Variants in ZNF804A observed in about 807,000 individuals in gnomAD.
ZNF804A encodes the protein zinc finger protein 804A.
Under a neutral mutation model 16.5 loss-of-function variants are expected in ZNF804A, and 2 were observed. The observed-to-expected ratio is 0.12, with a 90% CI of 0.05 to 0.38. ZNF804A has a LOEUF of 0.38. ZNF804A is among the 10% of genes least tolerant of loss of function. ZNF804A has a pLI of 0.99. For synonymous variants in ZNF804A, 534 were observed against 489.6 expected, an observed-to-expected ratio of 1.09 and a Z score of -1.20; for missense variants, 1,473 against 1,390.7, an observed-to-expected ratio of 1.06 and a Z score of -0.94.
chr2:184,770,037 A>T (rs1347013282), intron 1 of ZNF804A, among the ~76,000 whole-genome samples: 1 of 152,092 alleles, frequency 6.6e-6, no homozygotes, highest in Non-Finnish European at 1.5e-5. Flanking sequence ...TAACTAGATA[A>T]ATAAGCTTAA....
rs772643597 is a variant in ZNF804A at position 184,938,323 on chromosome 2, C to T, written c.2927C>T (p.Ala976Val). 6.2e-7 allele frequency: 1 copy of T among 1,614,150 alleles called. No individual in the cohort carries two copies. Among genetic ancestry groups the T allele is most frequent in the South Asian group, 1.1e-5 (1 of 91,088 alleles). Residue 976 changes from alanine (A) to valine (V), a missense_variant, in exon 4 of 4, where the codon GCT becomes GTT. By Grantham distance (64) the Ala-to-Val change is moderately conservative. Transcript: ENST00000302277. Reference protein sequence around the residue: ...PKSYLCHYELAEALPQGKMNE... With the variant: ...PKSYLCHYELVEALPQGKMNE... ...TCCTATCTTTGCCATTATGAACTGG[C>T]TGAGGCCCTTCCACAAGGAAAGATG... is the stretch of plus-strand genomic sequence containing the variant.
At chr2:184,759,373 GT>G (rs1694007619) in intron 1 of ZNF804A, among the ~76,000 whole-genome samples, 1 of 151,562 alleles carries the variant, frequency 6.6e-6, no homozygotes. Flanking sequence ...TAATTCTATA[GT>G]TTTTTTCAAC....
intron 1 of ZNF804A, among the ~76,000 whole-genome samples, chr2:184,752,427 T>A (rs1693890563): frequency 6.6e-6 from 1 of 151,640 alleles, no homozygotes. Flanking sequence ...GACTAAATAA[T>A]GAGTACACAT....
At chr2:184,762,209 TTC>T (rs1267705126) in intron 1 of ZNF804A, among the ~76,000 whole-genome samples, 1 of 30,896 alleles carries the variant, frequency 3.2e-5, no homozygotes, top group Non-Finnish European at 5.2e-5. Context: ...TTCTTTTCTT[TTC>T]TTTTTTTTTT....
At chr2:184,879,745 T>C (rs1684779669) in intron 2 of ZNF804A, among the ~76,000 whole-genome samples, 1 of 152,082 alleles carries the variant, frequency 6.6e-6, no homozygotes, top group East Asian at 1.9e-4. Context: ...TGTTTTGTTT[T>C]TGTTTTAAAC....
intron 1 of ZNF804A, among the ~76,000 whole-genome samples, chr2:184,864,467 G>C (rs1181950498): frequency 6.6e-6 from 1 of 152,086 alleles, no homozygotes; most frequent in Non-Finnish European, 1.5e-5. Flanking sequence ...AACTGTAAGA[G>C]TCACCTTTGT....
At chr2:184,760,735 A>T (rs1214550499) in intron 1 of ZNF804A, among the ~76,000 whole-genome samples, 1 of 152,134 alleles carries the variant, frequency 6.6e-6, no homozygotes, top group Non-Finnish European at 1.5e-5. Context: ...ATTGGGGATA[A>T]ATAAGTCTCA....
At chr2:184,905,437 A>T (rs890720188) in intron 2 of ZNF804A, among the ~76,000 whole-genome samples, 1 of 151,980 alleles carries the variant, frequency 6.6e-6, no homozygotes, top group Non-Finnish European at 1.5e-5. Context: ...GTTTAAAAAT[A>T]TTATATTTGC....
chr2:184,694,168 C>T lies in ZNF804A; in HGVS notation c.111+95098C>T, dbSNP rs377368039. Among the ~76,000 whole-genome samples, 8 of 150,756 alleles carry T rather than the reference C, an allele frequency of 5.3e-5. No individual in the cohort carries two copies. In the East Asian group the frequency reaches 7.8e-4, roughly 15 times the overall value. ...TTTACCATGTTGGTCAGGCTGGTCT[C>T]GGACTCCTGACCTCAAATGATCCAC... On this transcript the variant is annotated intron_variant, in intron 1 of 3. Transcript: ENST00000302277.
chr2:184,930,403 T>A (rs947648662), intron 2 of ZNF804A, among the ~76,000 whole-genome samples: 6 of 152,242 alleles, frequency 3.9e-5, no homozygotes, highest in Non-Finnish European at 7.3e-5. Context: ...ATCTTTCATC[T>A]AAATTCTACT....
chr2:184,720,581 A>G (rs934798499), intron 1 of ZNF804A, among the ~76,000 whole-genome samples: 1 of 152,126 alleles, frequency 6.6e-6, no homozygotes, highest in Non-Finnish European at 1.5e-5. Context: ...GGAGTAAACT[A>G]TATATTTCTG....
intron 1 of ZNF804A, among the ~76,000 whole-genome samples, chr2:184,774,037 C>T (rs1168968469): frequency 2.6e-5 from 4 of 151,796 alleles, no homozygotes; most frequent in Non-Finnish European, 5.9e-5. Context: ...CTGCTGTCCT[C>T]CACAGTTATT....
chr2:184,831,279 G>GT (rs147955346), intron 1 of ZNF804A, among the ~76,000 whole-genome samples: 5,527 of 151,292 alleles, frequency 0.037, 321 homozygotes, highest in African/African-American at 0.12. Context: ...TATTAAATCA[G>GT]TTTTTTTTGC....
intron 2 of ZNF804A, among the ~76,000 whole-genome samples, chr2:184,879,869 C>T (rs1193840318): frequency 6.6e-6 from 1 of 152,016 alleles, no homozygotes; most frequent in Non-Finnish European, 1.5e-5. Flanking sequence ...CAACTATTCA[C>T]TATGTATTGT....
At chr2:184,672,811 A>T (rs1463405890) in intron 1 of ZNF804A, among the ~76,000 whole-genome samples, 1 of 151,670 alleles carries the variant, frequency 6.6e-6, no homozygotes, top group Non-Finnish European at 1.5e-5. Flanking sequence ...GCACAGTCTC[A>T]GCTCACTGCA....
intron 2 of ZNF804A, among the ~76,000 whole-genome samples, chr2:184,896,421 A>G (rs767509007): frequency 6.6e-6 from 1 of 152,152 alleles, no homozygotes; most frequent in African/African-American, 2.4e-5. Flanking sequence ...GGCGCCATCA[A>G]TCAATAGGTT....
At position 184,938,788 on chromosome 2, in the gene ZNF804A, T is replaced by C; in HGVS notation, c.3392T>C (p.Phe1131Ser). ...TFKVLQPHQQ[F>S]LSQIPALTRT... The stretch of plus-strand genomic sequence containing the variant: ...AAAGTGCTTCAGCCACACCAACAGT[T>C]TCTTTCCCAAATCCCAGCTCTCACC... The change falls in exon 4 of 4, where the codon TTT becomes TCT. Residue 1131 changes from phenylalanine (F) to serine (S), a missense_variant. Phe to Ser is a radical substitution (Grantham distance 155). Transcript: ENST00000302277. The C allele has an allele frequency of 6.2e-7, 1 of 1,613,556 alleles. No individual in the cohort carries two copies. The highest frequency in any genetic ancestry group is 1.1e-5 in the South Asian group (1 of 91,060).
intron 1 of ZNF804A, among the ~76,000 whole-genome samples, chr2:184,707,649 G>A (rs887805198): frequency 2.0e-5 from 3 of 152,024 alleles, no homozygotes; most frequent in Admixed American, 6.6e-5. Flanking sequence ...ATAGTATTCC[G>A]TGGTGTATAT....
chr2:184,783,137 AG>A (rs1245252158), intron 1 of ZNF804A, among the ~76,000 whole-genome samples: 23 of 40,490 alleles, frequency 5.7e-4, no homozygotes, highest in African/African-American at 1.6e-3. Flanking sequence ...TAAAAGAGTG[AG>A]TTTTTTTTTT....
Sources: gnomAD v4.1 joint callset for allele counts (sites outside exome capture counted in the v4.1 genomes callset) on GRCh38, gnomAD v4.1.1 for gene constraint, MANE v1.5 for transcripts, NCBI Gene and HGNC (gene_info 2026-07-23, HGNC 2026-07-21) for gene names.